NME7: variants seen among roughly 807,000 people sequenced by gnomAD.
NME7 encodes nucleoside diphosphate kinase 7.
NME7 carries 41 observed loss-of-function variants against 49.1 expected under a neutral mutation model. The ratio of observed to expected loss-of-function variants is 0.83; its 90% CI spans 0.65 to 1.08. The LOEUF (loss-of-function observed/expected upper bound fraction) is 1.08, where lower values mean the gene tolerates loss of function less well. NME7 is among the 50% of genes least tolerant of loss of function. NME7 has a pLI of 0.00. For missense variants in NME7, 423 were observed against 463.4 expected, an observed-to-expected ratio of 0.91 and a Z score of 0.80; for synonymous variants, 139 against 150.6, an observed-to-expected ratio of 0.92 and a Z score of 0.56.
intron 4 of NME7, among the ~76,000 whole-genome samples, chr1:169,304,382 G>A (rs1028840702): frequency 8.5e-5 from 13 of 152,164 alleles, no homozygotes; most frequent in African/African-American, 2.7e-4. Context: ...TTTCAGGCTT[G>A]AGAATTCATT....
chr1:169,321,155 A>G (rs1651838231), intron 3 of NME7, among the ~76,000 whole-genome samples: 1 of 152,192 alleles, frequency 6.6e-6, no homozygotes, highest in African/African-American at 2.4e-5. Flanking sequence ...AATTTAAAGC[A>G]GTCTTCCAGC....
At chr1:169,257,580 G>A (rs1190823281) in intron 7 of NME7, among the ~76,000 whole-genome samples, 1 of 133,832 alleles carries the variant, frequency 7.5e-6, no homozygotes, top group Admixed American at 7.3e-5. Flanking sequence ...CGGCCATCTT[G>A]GCTCCTCCCC....
Position 169,318,881 on chromosome 1 carries a change from C to T in NME7, c.278+4236G>A, listed in dbSNP as rs554437843. 7.1e-4 allele frequency among the ~76,000 whole-genome samples: 108 copies of T among 152,106 alleles called. 1 individual carries two copies. The highest frequency in any genetic ancestry group is 2.4e-3 in the African/African-American group (100 of 41,520). ...ATAGCCAGAGAGATAGAGATGGAAG[C>T]AGCGGTGGGGGTAGCGGTGGTGAAG... is the stretch of plus-strand genomic sequence containing the variant. On this transcript the variant is annotated intron_variant, in intron 3 of 11. Coordinates refer to ENST00000367811, the MANE Select transcript of NME7 (RefSeq NM_013330.5).
intron 10 of NME7, among the ~76,000 whole-genome samples, chr1:169,174,167 T>G (rs760973155): frequency 6.6e-5 from 10 of 152,170 alleles, no homozygotes; most frequent in Middle Eastern, 3.4e-3. Context: ...ATCTAAGATA[T>G]CAAAAAAATG....
rs111487733 is a variant in NME7, at chr1:169,225,961, A to G, written c.990+4757T>C. Among the ~76,000 whole-genome samples the G allele has an allele frequency of 5.5e-3, 839 of 152,344 alleles. 8 individuals are homozygous for G. The highest frequency in any genetic ancestry group is 0.019 in the African/African-American group (802 of 41,570). ...TATATCTTAGAAAATAATTTGTAAGAAGCAGGACCCATTTCGATAGAAAAA... is the reference window on the plus strand; with the variant it reads ...TATATCTTAGAAAATAATTTGTAAGGAGCAGGACCCATTTCGATAGAAAAA... On this transcript the variant is annotated intron_variant, in intron 10 of 11. Coordinates refer to ENST00000367811, the MANE Select transcript of NME7 (RefSeq NM_013330.5).
chr1:169,193,630 A>G (rs1660294425), intron 10 of NME7, among the ~76,000 whole-genome samples: 1 of 152,210 alleles, frequency 6.6e-6, no homozygotes, highest in South Asian at 2.1e-4. Flanking sequence ...TTACAGAGAT[A>G]AGGCCTGGCA....
chr1:169,264,505 T>C lies in NME7; in HGVS notation c.754+22798A>G, dbSNP rs755184311. On this transcript the variant is annotated intron_variant, in intron 7 of 11. Coordinates refer to ENST00000367811, the MANE Select transcript of NME7 (RefSeq NM_013330.5). ...GATTTTTAAAAGCCAGAGAATGACA[T>C]TACATAATGGTAAAGGGTCCAATTC... Among the ~76,000 whole-genome samples, 9 of 133,748 alleles carry C rather than the reference T, an allele frequency of 6.7e-5. 2 individuals carry two copies. The South Asian group carries it at 6.9e-4, about 10-fold the overall frequency. The allele number at this position is 133,748 out of a possible 152,430, so 87.7% of individuals were successfully genotyped here.
intron 11 of NME7, among the ~76,000 whole-genome samples, chr1:169,161,420 A>T (rs112608001): frequency 4.6e-5 from 7 of 152,350 alleles, no homozygotes; most frequent in African/African-American, 1.7e-4. Context: ...CGGCCAAGAA[A>T]TTGGGGCCTG....
chr1:169,204,486 T>C (rs1660624928), intron 10 of NME7, among the ~76,000 whole-genome samples: 1 of 152,072 alleles, frequency 6.6e-6, no homozygotes, highest in Non-Finnish European at 1.5e-5. Context: ...ACTAAATTAC[T>C]CAGCCTTGCA....
intron 11 of NME7, among the ~76,000 whole-genome samples, chr1:169,147,285 T>A (rs1162936973): frequency 6.6e-6 from 1 of 152,224 alleles, no homozygotes; most frequent in Non-Finnish European, 1.5e-5. Context: ...TTTCCTATTA[T>A]ATCTTCCCTC....
At chr1:169,256,674 T>G (rs1377865058) in intron 7 of NME7, among the ~76,000 whole-genome samples, 1 of 123,474 alleles carries the variant, frequency 8.1e-6, no homozygotes, top group African/African-American at 2.7e-5. Flanking sequence ...TCTGTTCTGT[T>G]TTTTCCCCAT....
chr1:169,216,682 G>A (rs1364938070), intron 10 of NME7, among the ~76,000 whole-genome samples: 1 of 152,218 alleles, frequency 6.6e-6, no homozygotes, highest in Admixed American at 6.5e-5. Context: ...AATTAGCACA[G>A]GAAGTGGGGG....
At chr1:169,232,141 A>C (rs1647648798) in intron 9 of NME7, among the ~76,000 whole-genome samples, 1 of 152,192 alleles carries the variant, frequency 6.6e-6, no homozygotes, top group African/African-American at 2.4e-5. Context: ...AAAAGATCCA[A>C]ATACAACGTC....
chr1:169,279,758 A>G (rs552639953), intron 7 of NME7, among the ~76,000 whole-genome samples: 140 of 152,362 alleles, frequency 9.2e-4, no homozygotes, highest in African/African-American at 3.1e-3. Context: ...ATGGAAATGC[A>G]GAAATCACCC....
At chr1:169,207,791 G>C (rs112439561) in intron 10 of NME7, among the ~76,000 whole-genome samples, 1 of 152,044 alleles carries the variant, frequency 6.6e-6, no homozygotes, top group African/African-American at 2.4e-5. Context: ...GATCTGATGC[G>C]GTGGGGAAGG....
intron 10 of NME7, among the ~76,000 whole-genome samples, chr1:169,205,476 G>GA (rs1327043644): frequency 6.6e-6 from 1 of 152,092 alleles, no homozygotes; most frequent in East Asian, 1.9e-4. Context: ...AGAAAAGTAA[G>GA]AAAAATCCAT....
At chr1:169,282,044 T>G (rs921111404) in intron 7 of NME7, among the ~76,000 whole-genome samples, 29 of 152,320 alleles carry the variant, frequency 1.9e-4, no homozygotes, top group African/African-American at 7.0e-4. Context: ...TCTTTGTACC[T>G]CTGGTAGAAT....
intron 6 of NME7, among the ~76,000 whole-genome samples, chr1:169,296,580 G>A (rs903859440): frequency 2.0e-5 from 3 of 151,996 alleles, no homozygotes; most frequent in Non-Finnish European, 4.4e-5. Flanking sequence ...TTTATGTGCT[G>A]ATAACTCTAA....
chr1:169,352,628 T>TC (rs1349973137), intron 1 of NME7, among the ~76,000 whole-genome samples: 2 of 152,166 alleles, frequency 1.3e-5, no homozygotes, highest in African/African-American at 4.8e-5. Context: ...AGTCAAAGAA[T>TC]CTTTGTTTGC....
Sources: allele counts gnomAD v4.1 joint callset (sites outside exome capture counted in the v4.1 genomes callset), GRCh38; gene constraint gnomAD v4.1.1; transcripts MANE v1.5; gene names NCBI Gene and HGNC (gene_info 2026-07-23, HGNC 2026-07-21).